CPT1A: variants seen among roughly 807,000 people sequenced by gnomAD.
The protein encoded by CPT1A is carnitine O-palmitoyltransferase 1, liver isoform.
CPT1A carries 64 observed loss-of-function variants against 100.8 expected under a neutral mutation model. The observed-to-expected ratio is 0.63, with a 90% CI of 0.52 to 0.78. CPT1A has a LOEUF of 0.78. Among genes scored for constraint, CPT1A ranks in the 30% least tolerant of loss-of-function variants. CPT1A has a pLI of 0.00. For synonymous variants in CPT1A, 363 were observed against 396.0 expected, an observed-to-expected ratio of 0.92 and a Z score of 0.99; for missense variants, 802 against 1,034.1, an observed-to-expected ratio of 0.78 and a Z score of 3.08.
intron 1 of CPT1A, among the ~76,000 whole-genome samples, chr11:68,830,999 G>C (rs534095867): frequency 2.6e-5 from 4 of 152,176 alleles, no homozygotes; most frequent in South Asian, 2.1e-4. Flanking sequence ...CAACAATCGT[G>C]GGGGGGAAGG....
intron 1 of CPT1A, among the ~76,000 whole-genome samples, chr11:68,821,414 A>G (rs1307346810): frequency 6.6e-6 from 1 of 152,110 alleles, no homozygotes; most frequent in Non-Finnish European, 1.5e-5. Flanking sequence ...CAGCCTCCCA[A>G]AGTGCTGGGA....
intron 1 of CPT1A, among the ~76,000 whole-genome samples, chr11:68,835,351 A>G (rs968023789): frequency 5.9e-5 from 9 of 152,188 alleles, no homozygotes; most frequent in African/African-American, 2.2e-4. Flanking sequence ...TGTTCCCACA[A>G]ATGTCCCTAA....
At chr11:68,771,690 G>A (rs966754449) in intron 14 of CPT1A, among the ~76,000 whole-genome samples, 16 of 152,260 alleles carry the variant, frequency 1.1e-4, no homozygotes, top group Admixed American at 1.0e-3. Flanking sequence ...TACGATTTTG[G>A]CCCATTCATT....
chr11:68,802,029 C>T (rs965213099), intron 5 of CPT1A, among the ~76,000 whole-genome samples: 17 of 152,186 alleles, frequency 1.1e-4, no homozygotes, highest in Non-Finnish European at 2.1e-4. Flanking sequence ...TCACAAAAGG[C>T]CACGTGATTC....
intron 1 of CPT1A, among the ~76,000 whole-genome samples, chr11:68,820,179 C>T (rs1023725157): frequency 6.6e-6 from 1 of 151,876 alleles, no homozygotes; most frequent in Admixed American, 6.6e-5. Context: ...AATAGGCATG[C>T]ACCACCATGC....
At chr11:68,774,806 G>T (rs955423870) in intron 13 of CPT1A, among the ~76,000 whole-genome samples, 2 of 145,592 alleles carry the variant, frequency 1.4e-5, no homozygotes, top group Non-Finnish European at 3.0e-5. Flanking sequence ...AAAAGAAAAA[G>T]AAAATGGTAT....
At chr11:68,784,048 A>C (rs1016158380) in intron 10 of CPT1A, among the ~76,000 whole-genome samples, 1 of 152,068 alleles carries the variant, frequency 6.6e-6, no homozygotes, top group South Asian at 2.1e-4. Flanking sequence ...TTTTTGGTAG[A>C]GATGGGGTCT....
In CPT1A at chr11:68,807,192, C is replaced by T. The variant is rs569768965; in HGVS notation, c.453+275G>A. On this transcript the variant is annotated intron_variant, in intron 4 of 18. Transcript: ENST00000265641. ...ACACTACAAAGAACCGGATGGACAG[C>T]ACTTTTATTTGATGAATGACCTGAA... Among the ~76,000 whole-genome samples, 161 of 152,172 alleles carry T rather than the reference C, an allele frequency of 1.1e-3. 1 individual carries two copies. In the South Asian group the frequency reaches 0.014, roughly 13 times the overall value.
At chr11:68,757,984 C>T (rs532240780) in intron 18 of CPT1A, among the ~76,000 whole-genome samples, 2 of 152,270 alleles carry the variant, frequency 1.3e-5, no homozygotes, top group Admixed American at 6.5e-5. Context: ...GTTTATCCCA[C>T]GGAAAACACA....
At chr11:68,765,762 A>G (rs2153995705) in intron 14 of CPT1A, among the ~76,000 whole-genome samples, 1 of 152,366 alleles carries the variant, frequency 6.6e-6, no homozygotes, top group South Asian at 2.1e-4. Flanking sequence ...ATGAGCAAAC[A>G]TTCTAGCAGG....
intron 3 of CPT1A, 148 bp from the exon 4 acceptor site, chr11:68,807,786 A>C: frequency 1.3e-6 from 1 of 747,754 alleles, no homozygotes; most frequent in Non-Finnish European, 2.3e-6. Context: ...GAGCACTTGC[A>C]GGAACTGAGC....
chr11:68,836,702 G>A (rs970004650), intron 1 of CPT1A, among the ~76,000 whole-genome samples: 1 of 151,622 alleles, frequency 6.6e-6, no homozygotes, highest in African/African-American at 2.4e-5. Context: ...AACCCAGAAG[G>A]CAGAGGCTGC....
In CPT1A at chr11:68,757,539, T is replaced by C; in HGVS notation, c.*105A>G. ...TTTTCTGGAAGGAAAACTGAGTTTT[T>C]TTAAGAGCAGTGTTTCATCCCGAGC... On this transcript the variant is annotated 3_prime_UTR_variant, in exon 19 of 19. Transcript: ENST00000265641. 1.3e-6 allele frequency: 2 copies of C among 1,573,274 alleles called. No individual in the cohort carries two copies. The highest frequency in any genetic ancestry group is 1.7e-6 in the Non-Finnish European group (2 of 1,161,102).
At chr11:68,799,670 C>T (rs930106054) in intron 5 of CPT1A, among the ~76,000 whole-genome samples, 3 of 151,776 alleles carry the variant, frequency 2.0e-5, no homozygotes, top group Non-Finnish European at 2.9e-5. Flanking sequence ...TTGGGAGGAT[C>T]GCTTGAGCCC....
chr11:68,824,172 T>C (rs1201875592), intron 1 of CPT1A, among the ~76,000 whole-genome samples: 1 of 139,248 alleles, frequency 7.2e-6, no homozygotes, highest in Non-Finnish European at 1.5e-5. Flanking sequence ...CGCTTGAACC[T>C]GGGAGGCGGA....
Position 68,781,969 on chromosome 11 carries a change from AGAT to A in CPT1A, c.1164-13_1164-11del. ...CCTGGCCCAGGGAACTCTGCAGTGA[AGAT>A]GAAATACGATTAAAGGCAGCCCGAC... is the stretch of plus-strand genomic sequence containing the variant. On this transcript the variant is annotated splice_polypyrimidine_tract_variant and intron_variant, in intron 10 of 18. Coordinates refer to ENST00000265641, the MANE Select transcript of CPT1A (RefSeq NM_001876.4). The A allele has an allele frequency of 6.2e-7, 1 of 1,614,016 alleles. No individual in the cohort carries two copies. The highest frequency in any genetic ancestry group is 8.5e-7 in the Non-Finnish European group (1 of 1,179,834).
intron 2 of CPT1A, among the ~76,000 whole-genome samples, chr11:68,812,900 C>T (rs1317499930): frequency 1.3e-5 from 2 of 152,062 alleles, no homozygotes; most frequent in South Asian, 2.1e-4. Context: ...GCCACCATGA[C>T]GTCCTGTCCC....
chr11:68,839,591 G>A, intron 1 of CPT1A: 1 of 985,486 alleles, frequency 1.0e-6, no homozygotes, highest in Non-Finnish European at 1.2e-6. Flanking sequence ...GCCCAGCTGT[G>A]GGGACAGCTC....
In CPT1A at chr11:68,807,598, C is replaced by T. The variant is rs762094475; in HGVS notation, c.322G>A (p.Val108Met). 1.5e-5 allele frequency: 24 copies of T among 1,614,036 alleles called. No homozygotes were observed. Among genetic ancestry groups the T allele is most frequent in the South Asian group, 9.9e-5 (9 of 91,086 alleles). ...SSQTKNVVSG[V>M]LFGTGLWVAL... Reference sequence around the variant, plus strand: ...ACCCACAGGCCGGTGCCAAACAGCACGCCGCTGACCACGTTCTTCGTCTGG... The same window carrying T: ...ACCCACAGGCCGGTGCCAAACAGCATGCCGCTGACCACGTTCTTCGTCTGG... The change falls in exon 4 of 19, where the codon GTG becomes ATG. Residue 108 changes from valine (V) to methionine (M), a missense_variant. Val to Met is a conservative substitution (Grantham distance 21, BLOSUM62 1). This residue lies in a region of CPT1A where 161 missense variants were observed against 183.7 expected (regional missense o/e 0.88). Coordinates refer to ENST00000265641, the MANE Select transcript of CPT1A (RefSeq NM_001876.4).
Sources: allele counts gnomAD v4.1 joint callset (sites outside exome capture counted in the v4.1 genomes callset), GRCh38; gene constraint gnomAD v4.1.1; regional missense constraint gnomAD v4.1.1; transcripts MANE v1.5; gene names NCBI Gene and HGNC (gene_info 2026-07-23, HGNC 2026-07-21).